SESTD1: variants seen among roughly 807,000 people sequenced by gnomAD.
SESTD1 encodes SEC14 and spectrin domain containing 1, also known as SEC14 domain and spectrin repeat-containing protein 1.
A neutral mutation model predicts 101.7 loss-of-function variants in SESTD1; 43 were observed. The observed-to-expected ratio is 0.42, with a 90% CI of 0.33 to 0.55. The LOEUF is 0.55. Among genes scored for constraint, SESTD1 ranks in the 20% least tolerant of loss-of-function variants. The pLI, the probability that SESTD1 is intolerant of heterozygous loss-of-function variation, is 0.07. For missense variants in SESTD1, 647 were observed against 815.1 expected, an observed-to-expected ratio of 0.79 and a Z score of 2.51; for synonymous variants, 283 against 286.8, an observed-to-expected ratio of 0.99 and a Z score of 0.13.
chr2:179,200,726 A>G (rs1559141807), intron 1 of SESTD1, among the ~76,000 whole-genome samples: 1 of 137,752 alleles, frequency 7.3e-6, no homozygotes, highest in South Asian at 2.7e-4. Flanking sequence ...CATATGTAGA[A>G]AGCTGAAACT....
intron 1 of SESTD1, among the ~76,000 whole-genome samples, chr2:179,233,143 C>A (rs1275865293): frequency 6.6e-6 from 1 of 152,148 alleles, no homozygotes. Flanking sequence ...GAAAGGAAGA[C>A]CTAACCACCA....
rs1283429467 is a variant in SESTD1 at position 179,203,856 on chromosome 2, C to T, written c.-25-11990G>A. 9.7e-5 allele frequency among the ~76,000 whole-genome samples: 13 copies of T among 133,570 alleles called. 4 individuals are homozygous for T. Among genetic ancestry groups the T allele is most frequent in the African/African-American group, 3.6e-4 (12 of 33,650 alleles). 87.6% of individuals were successfully genotyped at this position (133,570 alleles called of 152,430 possible). A position where few individuals can be genotyped will look rare whatever the true frequency, so the allele number is the denominator to read the frequency against. The stretch of plus-strand genomic sequence containing the variant: ...GCTGTGGTGGGAGGATTGCTTGGTC[C>T]CTAGAGTTGAGTCCAGCCTGGGCAA... On this transcript the variant is annotated intron_variant, in intron 1 of 17. Coordinates refer to ENST00000428443, the MANE Select transcript of SESTD1 (RefSeq NM_178123.5).
Position 179,259,882 on chromosome 2 carries a change from C to A in SESTD1, c.-26+4617G>T, listed in dbSNP as rs916746953. Among the ~76,000 whole-genome samples, 11 of 152,322 alleles carry A rather than the reference C, an allele frequency of 7.2e-5. No homozygotes were observed. The South Asian group carries it at 2.1e-3, about 29-fold the overall frequency. On this transcript the variant is annotated intron_variant, in intron 1 of 17. Transcript: ENST00000428443. ...TAACAAGTGACAACACAAGATTCAT[C>A]CAGATCTGTTTAGTCAATGATTTTA...
chr2:179,136,185 A>G (rs920437061), intron 9 of SESTD1, among the ~76,000 whole-genome samples: 5 of 152,204 alleles, frequency 3.3e-5, no homozygotes, highest in Admixed American at 2.0e-4. Context: ...TTGGTTTCTC[A>G]TCTTTTAAAT....
intron 5 of SESTD1, among the ~76,000 whole-genome samples, chr2:179,162,073 A>G (rs1294811736): frequency 6.6e-6 from 1 of 152,174 alleles, no homozygotes; most frequent in African/African-American, 2.4e-5. Flanking sequence ...TCATGTATCA[A>G]TTATCAGTGA....
intron 1 of SESTD1, among the ~76,000 whole-genome samples, chr2:179,255,599 G>A (rs2047382464): frequency 6.6e-6 from 1 of 152,198 alleles, no homozygotes; most frequent in Non-Finnish European, 1.5e-5. Context: ...GAGGTTTAAC[G>A]AAAGAAGCCA....
intron 5 of SESTD1, among the ~76,000 whole-genome samples, chr2:179,160,397 A>G (rs989420737): frequency 6.6e-6 from 1 of 152,170 alleles, no homozygotes; most frequent in African/African-American, 2.4e-5. Flanking sequence ...GAAGTGATTA[A>G]TGAGTAAGAA....
chr2:179,216,532 T>C (rs1181063978), intron 1 of SESTD1, among the ~76,000 whole-genome samples: 1 of 134,886 alleles, frequency 7.4e-6, no homozygotes, highest in Admixed American at 7.2e-5. Context: ...GAAGAATCAA[T>C]ATTGTGAAAA....
intron 1 of SESTD1, among the ~76,000 whole-genome samples, chr2:179,229,469 G>A (rs2046942122): frequency 6.6e-6 from 1 of 151,876 alleles, no homozygotes; most frequent in Admixed American, 6.6e-5. Context: ...TGCAGATGGT[G>A]GGACTTCTCA....
chr2:179,190,271 A>C (rs2046301172), intron 2 of SESTD1, among the ~76,000 whole-genome samples: 1 of 151,906 alleles, frequency 6.6e-6, no homozygotes, highest in African/African-American at 2.4e-5. Flanking sequence ...TCTGATCTTC[A>C]ACAAAACACG....
chr2:179,204,720 T>C (rs2046568249), intron 1 of SESTD1, among the ~76,000 whole-genome samples: 1 of 135,012 alleles, frequency 7.4e-6, no homozygotes, highest in Admixed American at 7.2e-5. Context: ...GCACCAGCAC[T>C]TTTTCCCACC....
At chr2:179,151,878 A>G (rs1364933282) in intron 5 of SESTD1, among the ~76,000 whole-genome samples, 4 of 152,274 alleles carry the variant, frequency 2.6e-5, no homozygotes, top group Middle Eastern at 3.4e-3. Context: ...AACCCACAAT[A>G]ACGTATGCCA....
At chr2:179,127,126 T>C (rs1462832927) in intron 10 of SESTD1, among the ~76,000 whole-genome samples, 1 of 152,220 alleles carries the variant, frequency 6.6e-6, no homozygotes, top group Non-Finnish European at 1.5e-5. Flanking sequence ...TGACTTCCTC[T>C]AAAACTTTAT....
chr2:179,246,356 A>G (rs1223877420), intron 1 of SESTD1, among the ~76,000 whole-genome samples: 1 of 152,186 alleles, frequency 6.6e-6, no homozygotes, highest in African/African-American at 2.4e-5. Context: ...CCAATTCATC[A>G]AGAAGACATA....
At position 179,216,310 on chromosome 2, in the gene SESTD1, T is replaced by C. The variant is rs762148919; in HGVS notation, c.-25-24444A>G. 3.7e-5 allele frequency among the ~76,000 whole-genome samples: 5 copies of C among 135,458 alleles called. 1 individual carries two copies. Among genetic ancestry groups the C allele is most frequent in the Non-Finnish European group, 7.9e-5 (5 of 62,976 alleles). 88.9% of individuals were successfully genotyped at this position (135,458 alleles called of 152,430 possible). A position where few individuals can be genotyped will look rare whatever the true frequency, so the allele number is the denominator to read the frequency against. On this transcript the variant is annotated intron_variant, in intron 1 of 17. Coordinates refer to ENST00000428443, the MANE Select transcript of SESTD1 (RefSeq NM_178123.5). Reference sequence around the variant, plus strand: ...AAAGTCTCAGGATACAAAATCAATGTGCAAAACCACAAGCCCTTCTATACA... The same window carrying C: ...AAAGTCTCAGGATACAAAATCAATGCGCAAAACCACAAGCCCTTCTATACA...
intron 1 of SESTD1, among the ~76,000 whole-genome samples, chr2:179,257,191 C>T (rs1369031230): frequency 6.6e-6 from 1 of 151,358 alleles, no homozygotes; most frequent in East Asian, 1.9e-4. Flanking sequence ...CTATCTTGAA[C>T]CTATTCTGGT....
At chr2:179,169,104 C>A (rs962837598) in intron 5 of SESTD1, among the ~76,000 whole-genome samples, 1 of 152,022 alleles carries the variant, frequency 6.6e-6, no homozygotes, top group Admixed American at 6.5e-5. Context: ...ATTTTATAAA[C>A]TATATCAATA....
intron 9 of SESTD1, among the ~76,000 whole-genome samples, chr2:179,140,973 T>C (rs2045263487): frequency 6.6e-6 from 1 of 152,204 alleles, no homozygotes; most frequent in African/African-American, 2.4e-5. Context: ...TGCCATGAAA[T>C]GTCAGAGTTT....
At chr2:179,152,194 T>C (rs943003642) in intron 5 of SESTD1, among the ~76,000 whole-genome samples, 1 of 152,230 alleles carries the variant, frequency 6.6e-6, no homozygotes, top group Non-Finnish European at 1.5e-5. Flanking sequence ...AAGAGCATCA[T>C]TGCCACTCTC....
Sources: allele counts gnomAD v4.1 joint callset (sites outside exome capture counted in the v4.1 genomes callset), GRCh38; gene constraint gnomAD v4.1.1; transcripts MANE v1.5; gene names NCBI Gene and HGNC (gene_info 2026-07-23, HGNC 2026-07-21).